The following RUNX1T1 variants were observed in gnomAD, a reference collection of about 807,000 sequenced individuals.
The protein encoded by RUNX1T1 is protein CBFA2T1.
In RUNX1T1, 4 loss-of-function variants were observed where a neutral mutation model predicts 62.8. The ratio of observed to expected loss-of-function variants is 0.06; its 90% CI spans 0.03 to 0.15. The LOEUF is 0.15. RUNX1T1 is among the 10% of genes least tolerant of loss of function. The probability of loss-of-function intolerance (pLI) is 1.00; values close to 1 mark genes in which losing one functional copy is unlikely to be tolerated. For missense variants in RUNX1T1, 508 were observed against 754.3 expected, an observed-to-expected ratio of 0.67 and a Z score of 3.82; for synonymous variants, 291 against 286.0, an observed-to-expected ratio of 1.02 and a Z score of -0.18.
intron 1 of RUNX1T1, among the ~76,000 whole-genome samples, chr8:92,027,323 A>G (rs974016324): frequency 6.6e-6 from 1 of 152,168 alleles, no homozygotes; most frequent in African/African-American, 2.4e-5. Flanking sequence ...CACTTCTGTC[A>G]TCAGAAAAGG....
intron 1 of RUNX1T1, among the ~76,000 whole-genome samples, chr8:92,028,461 C>A (rs546408381): frequency 3.9e-5 from 6 of 152,066 alleles, no homozygotes; most frequent in African/African-American, 1.4e-4. Flanking sequence ...ATTCTAATCA[C>A]CACTTCTTGG....
At chr8:92,097,937 T>A (rs924253731) in intron 1 of RUNX1T1, among the ~76,000 whole-genome samples, 1 of 152,228 alleles carries the variant, frequency 6.6e-6, no homozygotes, top group Non-Finnish European at 1.5e-5. Flanking sequence ...CACAGAAGTG[T>A]AAAACAGAAA....
At chr8:92,032,724 A>G (rs985438216) in intron 1 of RUNX1T1, among the ~76,000 whole-genome samples, 4 of 152,088 alleles carry the variant, frequency 2.6e-5, no homozygotes, top group Non-Finnish European at 4.4e-5. Context: ...GGCTCCAGTG[A>G]GCTATGATCA....
chr8:92,100,329 A>T (rs529365896), upstream of RUNX1T1, among the ~76,000 whole-genome samples: 12 of 152,334 alleles, frequency 7.9e-5, no homozygotes, highest in South Asian at 2.3e-3. Context: ...TATAAACTGG[A>T]CACTGGAGAA....
intron 1 of RUNX1T1, among the ~76,000 whole-genome samples, chr8:92,058,873 T>C (rs1031480746): frequency 1.3e-5 from 2 of 152,154 alleles, no homozygotes; most frequent in Non-Finnish European, 2.9e-5. Flanking sequence ...AAACAAGTAG[T>C]TGTCTTATGA....
At position 91,972,313 on chromosome 8, in the gene RUNX1T1, T is replaced by C. The variant is rs77410483; in HGVS notation, c.1268-1465A>G. 3.9e-3 allele frequency among the ~76,000 whole-genome samples: 593 copies of C among 152,252 alleles called. 3 individuals are homozygous for C. The highest frequency in any genetic ancestry group is 0.013 in the African/African-American group (560 of 41,576). ...GTCATGACTTTTGTAGCCTCTGTCA[T>C]TTTAGCAGCATTATATCTGAAGTAC... On this transcript the variant is annotated intron_variant, in intron 9 of 10. Coordinates refer to ENST00000396218, the Ensembl canonical transcript of RUNX1T1.
At chr8:92,016,048 C>T (rs1456947337) in intron 2 of RUNX1T1, among the ~76,000 whole-genome samples, 1 of 152,190 alleles carries the variant, frequency 6.6e-6, no homozygotes, top group Non-Finnish European at 1.5e-5. Context: ...TTGCTAATCC[C>T]TTATAGTCCC....
chr8:92,007,923 G>A (rs1461475263), intron 4 of RUNX1T1, among the ~76,000 whole-genome samples: 2 of 145,454 alleles, frequency 1.4e-5, no homozygotes, highest in African/African-American at 5.1e-5. Flanking sequence ...AGCCATGACC[G>A]TGCCACTGCA....
At chr8:91,998,616 G>A (rs1819158025) in intron 5 of RUNX1T1, among the ~76,000 whole-genome samples, 1 of 152,222 alleles carries the variant, frequency 6.6e-6, no homozygotes, top group African/African-American at 2.4e-5. Context: ...CAGCGAGAAG[G>A]TGGAATGCTT....
chr8:91,969,343 A>T (rs767783885), intron 10 of RUNX1T1, among the ~76,000 whole-genome samples: 31 of 152,200 alleles, frequency 2.0e-4, no homozygotes, highest in Non-Finnish European at 2.2e-4. Flanking sequence ...TGACCTAAAA[A>T]GTACTCTTAA....
chr8:92,034,797 TACACACACACAC>T (rs200718439), intron 1 of RUNX1T1, among the ~76,000 whole-genome samples: 18 of 96,848 alleles, frequency 1.9e-4, no homozygotes, highest in Admixed American at 6.0e-4. Context: ...TATACATATA[TACACACACACAC>T]ACACACACAC....
At chr8:91,966,760 G>A (rs1355957858) in intron 10 of RUNX1T1, among the ~76,000 whole-genome samples, 1 of 152,184 alleles carries the variant, frequency 6.6e-6, no homozygotes, top group Non-Finnish European at 1.5e-5. Flanking sequence ...AAAAGAGAAA[G>A]TACAGTAAGC....
rs1039193061 is a variant in RUNX1T1 at position 91,982,989 on chromosome 8, G to A, written c.1198+3135C>T. 3.0e-5 allele frequency among the ~76,000 whole-genome samples: 4 copies of A among 132,858 alleles called. No individual in the cohort carries two copies. The South Asian group carries it at 7.2e-4, about 24-fold the overall frequency. 87.2% of individuals were successfully genotyped at this position (132,858 alleles called of 152,430 possible). ...GTCGTCTAGGCTCGAGTGCAATGGC[G>A]TGATCTCGGCTCACTGCAACCTCTG... On this transcript the variant is annotated intron_variant, in intron 8 of 10. Coordinates refer to ENST00000396218, the Ensembl canonical transcript of RUNX1T1.
chr8:92,091,568 T>C (rs1837025505), intron 1 of RUNX1T1, among the ~76,000 whole-genome samples: 1 of 152,180 alleles, frequency 6.6e-6, no homozygotes, highest in Admixed American at 6.5e-5. Flanking sequence ...AAAACAACTC[T>C]CATTAGAAGA....
chr8:92,011,909 A>G (rs749207711), intron 3 of RUNX1T1, among the ~76,000 whole-genome samples: 11 of 152,198 alleles, frequency 7.2e-5, no homozygotes, highest in Non-Finnish European at 1.6e-4. Flanking sequence ...AAAGGCATTG[A>G]GTAAATTAAC....
At chr8:92,095,119 C>T (rs1395530734) in intron 1 of RUNX1T1, 4 of 1,535,504 alleles carry the variant, frequency 2.6e-6, no homozygotes, top group Non-Finnish European at 3.5e-6. Flanking sequence ...CAACAAAAGG[C>T]AGATTTCTCT....
chr8:91,962,367 G>A (rs547558723), intron 10 of RUNX1T1, among the ~76,000 whole-genome samples: 21 of 152,320 alleles, frequency 1.4e-4, no homozygotes, highest in African/African-American at 5.1e-4. Flanking sequence ...GGTGTTTTAA[G>A]TGACTATTGC....
At position 91,968,495 on chromosome 8, in the gene RUNX1T1, G is replaced by A. The variant is rs183030226; in HGVS notation, c.1458+2163C>T. On this transcript the variant is annotated intron_variant, in intron 10 of 10. Transcript: ENST00000396218. ...GCACAAGGCAATATGGGCCTTATTG[G>A]GCGTAAAGAGATCTTTTTTTCCATC... Among the ~76,000 whole-genome samples the A allele has an allele frequency of 2.1e-3, 313 of 152,194 alleles. 1 individual carries two copies. Among genetic ancestry groups the A allele is most frequent in the African/African-American group, 6.2e-3 (256 of 41,524 alleles).
intron 4 of RUNX1T1, among the ~76,000 whole-genome samples, chr8:92,007,759 C>G (rs1821061062): frequency 6.6e-6 from 1 of 151,772 alleles, no homozygotes; most frequent in Non-Finnish European, 1.5e-5. Flanking sequence ...CACTTAAGCC[C>G]AGGAGTTTGA....
Sources: gnomAD v4.1 joint callset for allele counts (sites outside exome capture counted in the v4.1 genomes callset) on GRCh38, gnomAD v4.1.1 for gene constraint, MANE v1.5 for transcripts, NCBI Gene and HGNC (gene_info 2026-07-23, HGNC 2026-07-21) for gene names.